Variants in HS6ST3 observed in about 807,000 individuals in gnomAD.
HS6ST3 encodes heparan-sulfate 6-O-sulfotransferase 3.
HS6ST3 carries 12 observed loss-of-function variants against 36.7 expected under a neutral mutation model. That is an observed-to-expected ratio of 0.33 (90% CI 0.21 to 0.53). HS6ST3 has a LOEUF of 0.53. Among genes scored for constraint, HS6ST3 ranks in the 20% least tolerant of loss-of-function variants. The pLI is 0.95. For synonymous variants in HS6ST3, 240 were observed against 257.5 expected, an observed-to-expected ratio of 0.93 and a Z score of 0.65; for missense variants, 584 against 640.9, an observed-to-expected ratio of 0.91 and a Z score of 0.96.
chr13:96,422,527 A>C (rs1325928219), intron 1 of HS6ST3, among the ~76,000 whole-genome samples: 1 of 152,250 alleles, frequency 6.6e-6, no homozygotes, highest in East Asian at 1.9e-4. Context: ...TCTGGAAGAA[A>C]TATTGCAGAA....
At chr13:96,121,843 T>G (rs983020855) in intron 1 of HS6ST3, among the ~76,000 whole-genome samples, 30 of 152,172 alleles carry the variant, frequency 2.0e-4, no homozygotes, top group African/African-American at 6.0e-4. Context: ...TACATGTTAC[T>G]CCATGTTGGT....
intron 1 of HS6ST3, among the ~76,000 whole-genome samples, chr13:96,782,679 C>T (rs1353089263): frequency 2.0e-5 from 3 of 152,100 alleles, no homozygotes; most frequent in African/African-American, 7.2e-5. Flanking sequence ...ATTATCCATA[C>T]TAAGATTGTA....
intron 1 of HS6ST3, among the ~76,000 whole-genome samples, chr13:96,778,564 GAA>G (rs1413833266): frequency 6.6e-6 from 1 of 151,842 alleles, no homozygotes; most frequent in Non-Finnish European, 1.5e-5. Flanking sequence ...ACAAACATTT[GAA>G]AAAAAATCAT....
intron 1 of HS6ST3, among the ~76,000 whole-genome samples, chr13:96,611,894 G>C (rs1456859681): frequency 2.0e-5 from 3 of 152,144 alleles, no homozygotes; most frequent in Admixed American, 6.5e-5. Context: ...AGGGGTCATC[G>C]AGTGTTTCTG....
At chr13:96,672,677 G>A (rs902275801) in intron 1 of HS6ST3, among the ~76,000 whole-genome samples, 2 of 152,120 alleles carry the variant, frequency 1.3e-5, no homozygotes, top group African/African-American at 2.4e-5. Flanking sequence ...GAGAAAGAGG[G>A]CATGGGGGAT....
chr13:96,257,142 G>A (rs951208458), intron 1 of HS6ST3, among the ~76,000 whole-genome samples: 3 of 152,102 alleles, frequency 2.0e-5, no homozygotes, highest in Admixed American at 1.3e-4. Context: ...CCCCTTCACT[G>A]TACTTAATAG....
In HS6ST3 at chr13:96,580,141, AT is replaced by A. The variant is rs554895299; in HGVS notation, c.708-252341del. ...CTAAGAGTCAATTTGACTGAGGAAT[AT>A]TTTTTTTCTTATTCATTAATGAATA... On this transcript the variant is annotated intron_variant, in intron 1 of 1. Coordinates refer to ENST00000376705, the MANE Select transcript of HS6ST3 (RefSeq NM_153456.4). 2.6e-4 allele frequency among the ~76,000 whole-genome samples: 39 copies of A among 149,726 alleles called. 1 individual carries two copies. The South Asian group carries it at 4.8e-3, about 19-fold the overall frequency.
chr13:96,618,006 A>G lies in HS6ST3; in HGVS notation c.708-214484A>G, dbSNP rs554010976. 1.9e-4 allele frequency among the ~76,000 whole-genome samples: 29 copies of G among 152,316 alleles called. No homozygotes were observed. The East Asian group carries it at 3.9e-3, about 20-fold the overall frequency. ...CTTAAACTGAAACTCAATAGTATAC[A>G]TGGGTTTCTATGTCAGACAAACTTG... is the stretch of plus-strand genomic sequence containing the variant. On this transcript the variant is annotated intron_variant, in intron 1 of 1. Transcript: ENST00000376705.
chr13:96,398,741 G>T (rs1227907114), intron 1 of HS6ST3, among the ~76,000 whole-genome samples: 2 of 152,194 alleles, frequency 1.3e-5, no homozygotes, highest in East Asian at 3.9e-4. Context: ...CTTGTGACTT[G>T]TTTCCAGCTG....
chr13:96,396,812 T>C (rs1290236194), intron 1 of HS6ST3, among the ~76,000 whole-genome samples: 2 of 152,158 alleles, frequency 1.3e-5, no homozygotes, highest in Admixed American at 1.3e-4. Context: ...GGTGACAACG[T>C]TGATTTGCCT....
chr13:96,381,394 G>GTATCTATCTATCTATCTATC (rs1263272767), intron 1 of HS6ST3, among the ~76,000 whole-genome samples: 1 of 52,392 alleles, frequency 1.9e-5, no homozygotes, highest in African/African-American at 5.4e-5. Context: ...ATGTATCTAT[G>GTATCTATCTATCTATCTATC]TATCTATGTA....
At position 96,623,322 on chromosome 13, in the gene HS6ST3, G is replaced by T. The variant is rs72643803; in HGVS notation, c.708-209168G>T. On this transcript the variant is annotated intron_variant, in intron 1 of 1. Coordinates refer to ENST00000376705, the MANE Select transcript of HS6ST3 (RefSeq NM_153456.4). The stretch of plus-strand genomic sequence containing the variant: ...AGACTCTAGTATATCTCCCTGTGCT[G>T]GGGGGCACTGGGCAGGGACAGATCC... Among the ~76,000 whole-genome samples, 613 of 152,168 alleles carry T rather than the reference G, an allele frequency of 4.0e-3. 6 individuals carry two copies. The highest frequency in any genetic ancestry group is 7.2e-3 in the Admixed American group (110 of 15,284).
intron 1 of HS6ST3, among the ~76,000 whole-genome samples, chr13:96,328,373 G>A (rs1398981540): frequency 6.6e-6 from 1 of 151,668 alleles, no homozygotes; most frequent in Non-Finnish European, 1.5e-5. Context: ...CTAATTTATT[G>A]AGAGTTTTTA....
intron 1 of HS6ST3, among the ~76,000 whole-genome samples, chr13:96,394,007 C>T (rs759497434): frequency 9.9e-5 from 15 of 152,156 alleles, no homozygotes; most frequent in Non-Finnish European, 1.2e-4. Flanking sequence ...ATCTTAGTCA[C>T]GTGTCTTATG....
chr13:96,171,484 C>T (rs1392910642), intron 1 of HS6ST3, among the ~76,000 whole-genome samples: 1 of 152,100 alleles, frequency 6.6e-6, no homozygotes, highest in Non-Finnish European at 1.5e-5. Context: ...CTCGGGTTAT[C>T]GGGATATATT....
intron 1 of HS6ST3, among the ~76,000 whole-genome samples, chr13:96,112,381 G>C (rs2053872464): frequency 6.6e-6 from 1 of 151,508 alleles, no homozygotes; most frequent in Non-Finnish European, 1.5e-5. Flanking sequence ...AATCTTTCTA[G>C]TGTGTTAAGG....
chr13:96,231,200 C>T (rs1433768955), intron 1 of HS6ST3, among the ~76,000 whole-genome samples: 1 of 152,086 alleles, frequency 6.6e-6, no homozygotes. Flanking sequence ...CTTACTGTGC[C>T]TGTTGATCCT....
At chr13:96,671,731 A>G (rs1309473838) in intron 1 of HS6ST3, among the ~76,000 whole-genome samples, 1 of 151,900 alleles carries the variant, frequency 6.6e-6, no homozygotes, top group Non-Finnish European at 1.5e-5. Flanking sequence ...GACACTAGTT[A>G]TATTGAATTA....
chr13:96,112,621 A>ATATATATATATATATG (rs2053875989), intron 1 of HS6ST3, among the ~76,000 whole-genome samples: 1 of 131,214 alleles, frequency 7.6e-6, no homozygotes, highest in Admixed American at 8.0e-5. Context: ...ATATATATAT[A>ATATATATATATATATG]TGCCCGGCTG....
Sources: gnomAD v4.1 joint callset for allele counts (sites outside exome capture counted in the v4.1 genomes callset) on GRCh38, gnomAD v4.1.1 for gene constraint, MANE v1.5 for transcripts, NCBI Gene and HGNC (gene_info 2026-07-23, HGNC 2026-07-21) for gene names.